Variants in CROCC2 observed in about 807,000 individuals in gnomAD.
CROCC2 encodes ciliary rootlet coiled-coil, rootletin family member 2.
Under a neutral mutation model 177.6 loss-of-function variants are expected in CROCC2, and 163 were observed. The ratio of observed to expected loss-of-function variants is 0.92; its 90% CI spans 0.81 to 1.05. The LOEUF is 1.05. CROCC2 is among the 50% of genes least tolerant of loss of function. CROCC2 has a pLI of 0.00. For missense variants in CROCC2, 1,929 were observed against 1,797.8 expected (o/e 1.07, Z -1.32); for synonymous variants, 904 against 787.3 (o/e 1.15, Z -2.48).
At chr2:240,941,245 A>G (rs1464762865) in intron 14 of CROCC2, among the ~76,000 whole-genome samples, 1 of 152,236 alleles carries the variant, frequency 6.6e-6, no homozygotes, top group African/African-American at 2.4e-5. Context: ...TATTGTGGAA[A>G]TGGCCATACT....
chr2:240,990,364 G>A (rs2059869612), intron 30 of CROCC2, among the ~76,000 whole-genome samples: 1 of 152,200 alleles, frequency 6.6e-6, no homozygotes, highest in Admixed American at 6.5e-5. Context: ...ACACGTGACA[G>A]ACCTGCTGGG....
intron 27 of CROCC2, among the ~76,000 whole-genome samples, chr2:240,975,101 A>G (rs2059750953): frequency 6.6e-6 from 1 of 152,354 alleles, no homozygotes; most frequent in Admixed American, 6.5e-5. Context: ...AGAATACTGG[A>G]CAAACTGATT....
chr2:240,952,062 C>T (rs778917587), intron 18 of CROCC2, among the ~76,000 whole-genome samples: 1 of 152,128 alleles, frequency 6.6e-6, no homozygotes, highest in Non-Finnish European at 1.5e-5. Flanking sequence ...GTACAAATTA[C>T]AGGCCGGGTG....
chr2:240,983,483 G>T lies in CROCC2; in HGVS notation c.4551+454G>T, dbSNP rs1265470578. ...GCAGGAGGCGGCCGAGGCGCAGGCG[G>T]AGAGGCGCGTCCTGCAGGAGCAGAC... On this transcript the variant is annotated intron_variant, in intron 28 of 31. Transcript: ENST00000690015. 3.2e-6 allele frequency: 4 copies of T among 1,242,762 alleles called. No homozygotes were observed. The Admixed American group carries it at 1.1e-4, about 36-fold the overall frequency. The allele number at this position is 1,242,762 out of a possible 1,614,324, so 77.0% of individuals were successfully genotyped here.
At chr2:240,920,194 G>C (rs2059349807) in intron 3 of CROCC2, 60 bp downstream of exon 3, 1 of 603,936 alleles carries the variant, frequency 1.7e-6, no homozygotes, top group African/African-American at 1.9e-5. Context: ...CTTCGTGAGG[G>C]GTCACTTGTC....
At chr2:240,932,467 C>T (rs1008218470) in intron 8 of CROCC2, 53 bp downstream of exon 8, 7 of 715,826 alleles carry the variant, frequency 9.8e-6, no homozygotes, top group Admixed American at 2.0e-5. Flanking sequence ...CACCCTTGCT[C>T]AGGAGTCTCC....
Position 240,933,334 on chromosome 2 carries a change from C to G in CROCC2, c.1455C>G (p.Leu485=). 1.3e-6 allele frequency: 2 copies of G among 1,521,110 alleles called. No homozygotes were observed. The highest frequency in any genetic ancestry group is 1.8e-6 in the Non-Finnish European group (2 of 1,136,834). The allele number at this position is 1,521,110 out of a possible 1,614,324, so 94.2% of individuals were successfully genotyped here. ...AGCAGTGCCGGGCATCCTGCAAGCT[C>G]CTGGGGAGGTAATGGGGTGAAGGGG... ...EVQQCRASCK[L]LGREKAALEM... The change falls in exon 10 of 32, where the codon CTC becomes CTG. Residue 485 remains leucine, a synonymous_variant. Coordinates refer to ENST00000690015, the MANE Select transcript of CROCC2 (RefSeq NM_001351305.2).
intron 20 of CROCC2, chr2:240,959,713 C>T (rs2059618733): frequency 2.8e-6 from 1 of 357,202 alleles, no homozygotes; most frequent in Non-Finnish European, 5.0e-6. Flanking sequence ...AAGCTGACAC[C>T]AGTTTTCAGG....
Position 240,965,415 on chromosome 2 carries a change from G to C in CROCC2, c.3500G>C (p.Ser1167Thr). ...RTLKAENQRR[S>T]GEAHELQAQC... Reference sequence around the variant, plus strand: ...CTGAAGGCCGAGAACCAGAGGAGGAGTGGAGAGGCCCATGAGCTGCAGGCG... The same window carrying C: ...CTGAAGGCCGAGAACCAGAGGAGGACTGGAGAGGCCCATGAGCTGCAGGCG... The change falls in exon 23 of 32, where the codon AGT (serine) becomes ACT (threonine). Residue 1167 changes from serine to threonine, a missense_variant. Around this residue, in one of 3 missense-constraint regions of CROCC2, gnomAD observed 1,397 missense variants for 1,239.9 expected, o/e 1.13. Coordinates refer to ENST00000690015, the MANE Select transcript of CROCC2 (RefSeq NM_001351305.2). 2 of 1,549,740 alleles carry C rather than the reference G, an allele frequency of 1.3e-6. No homozygotes were observed. Among genetic ancestry groups the C allele is most frequent in the Non-Finnish European group, 8.7e-7 (1 of 1,146,944 alleles).
Position 240,985,940 on chromosome 2 carries a change from G to A in CROCC2, c.4552-2799G>A, listed in dbSNP as rs373104976. The A allele has an allele frequency of 7.9e-5, 36 of 456,476 alleles. No homozygotes were observed. In the East Asian group the frequency reaches 8.3e-4, roughly 11 times the overall value. 28.3% of individuals were successfully genotyped at this position (456,476 alleles called of 1,614,324 possible). A position where few individuals can be genotyped will look rare whatever the true frequency, so the allele number is the denominator to read the frequency against. ...GAGTGGGCACATGGCCCCAGCCCACGGGGTGGCCTCACACCGATCCCTCTT... is the reference window on the plus strand; with the variant it reads ...GAGTGGGCACATGGCCCCAGCCCACAGGGTGGCCTCACACCGATCCCTCTT... On this transcript the variant is annotated intron_variant, in intron 28 of 31. Transcript: ENST00000690015.
chr2:240,955,735 G>A (rs1257776073), intron 18 of CROCC2, 124 bp from the exon 19 acceptor site: 2 of 642,976 alleles, frequency 3.1e-6, no homozygotes, highest in Admixed American at 5.0e-5. Flanking sequence ...ACAGGAACAT[G>A]AACGTGCTGT....
chr2:240,943,574 G>A (rs533999645), intron 14 of CROCC2, among the ~76,000 whole-genome samples: 8 of 148,756 alleles, frequency 5.4e-5, no homozygotes, highest in Non-Finnish European at 8.9e-5. Context: ...TGCAACCTCC[G>A]CCTCCTGGGT....
intron 7 of CROCC2, 142 bp downstream of exon 7, chr2:240,931,270 C>G: frequency 3.4e-6 from 2 of 594,104 alleles, no homozygotes; most frequent in South Asian, 2.0e-5. Context: ...GTGGTGCACA[C>G]TCTTCAGAGT....
chr2:240,965,591 T>C lies in CROCC2; in HGVS notation c.3604-45T>C, dbSNP rs770517615. 1.5e-5 allele frequency: 23 copies of C among 1,549,524 alleles called. No homozygotes were observed. In the African/African-American group the frequency reaches 2.7e-4, roughly 18 times the overall value. On this transcript the variant is annotated intron_variant, in intron 23 of 31. Transcript: ENST00000690015. ...AGCAGAGGGAGGAGGCCCACCCCAC[T>C]TCCTCACTGTCTCCCACGGGCGCAC...
intron 5 of CROCC2, among the ~76,000 whole-genome samples, chr2:240,929,099 G>T (rs1338187008): frequency 6.6e-6 from 1 of 152,164 alleles, no homozygotes; most frequent in Non-Finnish European, 1.5e-5. Flanking sequence ...TCTCCGGAGG[G>T]TGTATGGCCA....
rs751586565 is a variant in CROCC2 at position 240,932,695 on chromosome 2, C to T, written c.1045-7C>T. On this transcript the variant is annotated splice_polypyrimidine_tract_variant and splice_region_variant and intron_variant, in intron 8 of 31. Transcript: ENST00000690015. ...CCCCTCTATCCCTTCCTCTCTGCAC[C>T]TTGAAGGTGGCCCAGGAGGACGCCC... The T allele has an allele frequency of 2.7e-6, 2 of 741,284 alleles. No individual in the cohort carries two copies. Among genetic ancestry groups the T allele is most frequent in the Non-Finnish European group, 4.9e-6 (2 of 407,078 alleles). 45.9% of individuals were successfully genotyped at this position (741,284 alleles called of 1,614,324 possible).
At position 240,958,122 on chromosome 2, in the gene CROCC2, T is replaced by C; in HGVS notation, c.2944-1179T>C. 1 of 985,324 alleles carries C rather than the reference T, an allele frequency of 1.0e-6. No individual in the cohort carries two copies. 61.0% of individuals were successfully genotyped at this position (985,324 alleles called of 1,614,324 possible). ...GCTCAGAAAATGGAAATTAAAACTGTTGAGAGGAGCGGGAGGAGAGGAATG... is the reference window on the plus strand; with the variant it reads ...GCTCAGAAAATGGAAATTAAAACTGCTGAGAGGAGCGGGAGGAGAGGAATG... On this transcript the variant is annotated intron_variant, in intron 19 of 31. Coordinates refer to ENST00000690015, the MANE Select transcript of CROCC2 (RefSeq NM_001351305.2). This position sits in a 1 kb window ranked among gnomAD's most constrained non-coding sequence, Gnocchi z 6.7.
intron 1 of CROCC2, among the ~76,000 whole-genome samples, chr2:240,916,420 C>T (rs1574744206): frequency 1.2e-5 from 1 of 83,958 alleles, no homozygotes; most frequent in African/African-American, 4.6e-5. Flanking sequence ...CGGTGCCCCC[C>T]GCCCACCTGC....
intron 15 of CROCC2, among the ~76,000 whole-genome samples, chr2:240,948,026 A>C (rs1396196902): frequency 1.3e-5 from 2 of 152,144 alleles, no homozygotes; most frequent in East Asian, 1.9e-4. Flanking sequence ...CTTACAGGAG[A>C]CCAGGCGGGC....
Sources: gnomAD v4.1 joint callset for allele counts (sites outside exome capture counted in the v4.1 genomes callset) on GRCh38, gnomAD v4.1.1 for gene constraint, gnomAD v4.1.1 regional missense constraint, Gnocchi (gnomAD v3.1) non-coding constraint, MANE v1.5 for transcripts, NCBI Gene and HGNC (gene_info 2026-07-23, HGNC 2026-07-21) for gene names.